Variants in ADGRL2 observed in about 807,000 individuals in gnomAD.
ADGRL2 encodes adhesion G protein-coupled receptor L2.
ADGRL2 carries 44 observed loss-of-function variants against 157.4 expected under a neutral mutation model. The observed-to-expected ratio is 0.28, with a 90% CI of 0.22 to 0.36. The LOEUF is 0.36. Ranked by LOEUF, ADGRL2 falls within the 10% of genes least tolerant of loss-of-function variation. ADGRL2 has a pLI of 1.00. For synonymous variants in ADGRL2, 585 were observed against 624.7 expected (o/e 0.94, Z 0.95); for missense variants, 1,510 against 1,768.9 (o/e 0.85, Z 2.63).
chr1:81,601,473 T>A (rs181257125), intron 3 of ADGRL2, among the ~76,000 whole-genome samples: 1 of 152,228 alleles, frequency 6.6e-6, no homozygotes, highest in Non-Finnish European at 1.5e-5. Flanking sequence ...ACAGAGAGAA[T>A]TAAAAGGAAC....
intron 1 of ADGRL2, among the ~76,000 whole-genome samples, chr1:81,325,157 A>G (rs568641462): frequency 1.1e-4 from 17 of 152,324 alleles, no homozygotes; most frequent in African/African-American, 3.8e-4. Flanking sequence ...TGTGTTCTGT[A>G]GAAGAGCAGA....
At chr1:81,887,492 G>A (rs1054647967) in intron 2 of ADGRL2, among the ~76,000 whole-genome samples, 7 of 152,278 alleles carry the variant, frequency 4.6e-5, no homozygotes, top group African/African-American at 1.7e-4. Context: ...ATTATTTCAT[G>A]AAATTTGCAT....
chr1:81,934,974 C>T (rs924835626), intron 3 of ADGRL2, among the ~76,000 whole-genome samples: 1 of 151,858 alleles, frequency 6.6e-6, no homozygotes, highest in Non-Finnish European at 1.5e-5. Flanking sequence ...ACTAAAAAAT[C>T]AGTGAACTGT....
intron 3 of ADGRL2, among the ~76,000 whole-genome samples, chr1:81,911,146 T>C (rs1032519174): frequency 6.6e-6 from 1 of 152,158 alleles, no homozygotes; most frequent in Non-Finnish European, 1.5e-5. Flanking sequence ...TTCCTGTTCA[T>C]TTAAAAGTGT....
chr1:81,880,598 G>A (rs535442676), intron 2 of ADGRL2, among the ~76,000 whole-genome samples: 7 of 152,016 alleles, frequency 4.6e-5, no homozygotes, highest in Non-Finnish European at 1.0e-4. Flanking sequence ...GAATTCGAGG[G>A]CTTCTATATC....
chr1:81,335,324 A>C (rs936694950), intron 1 of ADGRL2, among the ~76,000 whole-genome samples: 1 of 152,186 alleles, frequency 6.6e-6, no homozygotes, highest in Non-Finnish European at 1.5e-5. Context: ...GAAAGCTCAG[A>C]ATGTGCAATT....
chr1:81,958,141 C>T (rs1654173369), intron 11 of ADGRL2, among the ~76,000 whole-genome samples: 1 of 151,976 alleles, frequency 6.6e-6, no homozygotes, highest in South Asian at 2.1e-4. Context: ...CCTGTAATCC[C>T]AGCTACTCAA....
At chr1:81,986,809 A>AT (rs1460925899) in intron 21 of ADGRL2, 92 bp from the exon 22 acceptor site, 1 of 1,315,430 alleles carries the variant, frequency 7.6e-7, no homozygotes, top group Non-Finnish European at 1.1e-6. Context: ...CTTGATGAAT[A>AT]TAAAAAAAAT....
intron 3 of ADGRL2, among the ~76,000 whole-genome samples, chr1:81,928,645 G>A (rs781730557): frequency 6.6e-5 from 10 of 152,014 alleles, no homozygotes; most frequent in Non-Finnish European, 1.3e-4. Context: ...GCTCAAGAAT[G>A]CATGTAATTC....
At chr1:81,602,463 G>A (rs1326004961) in intron 3 of ADGRL2, among the ~76,000 whole-genome samples, 2 of 151,992 alleles carry the variant, frequency 1.3e-5, no homozygotes, top group African/African-American at 4.8e-5. Flanking sequence ...CGTGGTGGTG[G>A]GTGCCTGGAA....
chr1:81,742,625 A>C (rs1263856085), intron 1 of ADGRL2, among the ~76,000 whole-genome samples: 1 of 152,040 alleles, frequency 6.6e-6, no homozygotes, highest in African/African-American at 2.4e-5. Context: ...AACTTATTCC[A>C]TAAATCAACA....
intron 3 of ADGRL2, among the ~76,000 whole-genome samples, chr1:81,613,739 T>C (rs1246451570): frequency 6.6e-6 from 1 of 152,184 alleles, no homozygotes; most frequent in Non-Finnish European, 1.5e-5. Flanking sequence ...GATCCAATGG[T>C]ATAAAAATAG....
chr1:81,384,436 T>A (rs556808951), intron 1 of ADGRL2, among the ~76,000 whole-genome samples: 1 of 152,198 alleles, frequency 6.6e-6, no homozygotes, highest in East Asian at 1.9e-4. Context: ...CATTACCTGG[T>A]TGGGGAGTGT....
At chr1:81,694,815 C>T (rs558405354), upstream of ADGRL2, among the ~76,000 whole-genome samples, 1 of 152,196 alleles carries the variant, frequency 6.6e-6, no homozygotes, top group East Asian at 1.9e-4. Context: ...GAGAACCATT[C>T]TCAGCAATAA....
rs546672410 is a variant in ADGRL2, at chr1:81,837,390, G to T, written c.73+333G>T. ...ATTTTAGTAAAGTGGAAAGTATTTT[G>T]TGGAAATTTTCATCTTTAGTTACAT... On this transcript the variant is annotated intron_variant, in intron 2 of 23. Coordinates refer to ENST00000686636, the MANE Select transcript of ADGRL2 (RefSeq NM_001366006.2). Among the ~76,000 whole-genome samples the T allele has an allele frequency of 3.3e-5, 5 of 151,966 alleles. No individual in the cohort carries two copies. In the East Asian group the frequency reaches 7.7e-4, roughly 23 times the overall value.
rs535887347 is a variant in ADGRL2, at chr1:81,443,215, G to A, written c.-301-1821G>A. Among the ~76,000 whole-genome samples the A allele has an allele frequency of 2.1e-4, 32 of 152,270 alleles. No homozygotes were observed. The South Asian group carries it at 6.4e-3, about 31-fold the overall frequency. ...GTGGGTGGATCACCTGAAGTCAAGA[G>A]TTCGAGATCAGCCTGGCCAACATGA... On this transcript the variant is annotated intron_variant, in intron 1 of 24. Coordinates refer to the ADGRL2 transcript ENST00000370721.
intron 2 of ADGRL2, among the ~76,000 whole-genome samples, chr1:81,469,287 G>C (rs1032269654): frequency 2.0e-5 from 3 of 152,162 alleles, no homozygotes; most frequent in Non-Finnish European, 4.4e-5. Context: ...AAAGGCACCA[G>C]TGTCCTCTCC....
chr1:81,356,180 A>G (rs1448948015), intron 1 of ADGRL2, among the ~76,000 whole-genome samples: 1 of 152,188 alleles, frequency 6.6e-6, no homozygotes, highest in African/African-American at 2.4e-5. Context: ...TCTCTCCTCA[A>G]TTAGATTTAA....
intron 1 of ADGRL2, among the ~76,000 whole-genome samples, chr1:81,808,536 A>G (rs571088963): frequency 2.0e-5 from 3 of 151,886 alleles, no homozygotes; most frequent in Non-Finnish European, 4.4e-5. Flanking sequence ...GCATATTCTC[A>G]TTTATTTTAG....
Sources: gnomAD v4.1 joint callset for allele counts (sites outside exome capture counted in the v4.1 genomes callset) on GRCh38, gnomAD v4.1.1 for gene constraint, MANE v1.5 for transcripts, NCBI Gene and HGNC (gene_info 2026-07-23, HGNC 2026-07-21) for gene names.